Variants in TMEM132C observed in about 807,000 individuals in gnomAD.
TMEM132C encodes the protein protein phosphatase 1, regulatory subunit 152.
A neutral mutation model predicts 61.4 loss-of-function variants in TMEM132C; 29 were observed. The observed-to-expected ratio is 0.47, with a 90% CI of 0.35 to 0.64. The LOEUF (loss-of-function observed/expected upper bound fraction) is 0.64, where lower values mean the gene tolerates loss of function less well. TMEM132C is among the 30% of genes least tolerant of loss of function. The pLI is 0.00. For synonymous variants in TMEM132C, 656 were observed against 633.1 expected (o/e 1.04, Z -0.54); for missense variants, 1,408 against 1,476.9 (o/e 0.95, Z 0.76).
chr12:128,695,219 T>A (rs1026087538), intron 6 of TMEM132C, among the ~76,000 whole-genome samples: 1 of 152,174 alleles, frequency 6.6e-6, no homozygotes, highest in Non-Finnish European at 1.5e-5. Context: ...TAATTTTTAT[T>A]TATTTAAATT....
At chr12:128,548,724 A>C (rs1436093402) in intron 3 of TMEM132C, among the ~76,000 whole-genome samples, 1 of 152,216 alleles carries the variant, frequency 6.6e-6, no homozygotes, top group African/African-American at 2.4e-5. Context: ...CATATCCATG[A>C]GTTCTGTGTT....
intron 3 of TMEM132C, among the ~76,000 whole-genome samples, chr12:128,565,897 A>G (rs959334344): frequency 1.1e-4 from 17 of 151,714 alleles, no homozygotes; most frequent in African/African-American, 4.1e-4. Context: ...AAGAAAAAAG[A>G]AAAAGAATTT....
At chr12:128,675,876 GATAGATAA>G (rs199586411) in intron 5 of TMEM132C, among the ~76,000 whole-genome samples, 7,235 of 98,992 alleles carry the variant, frequency 0.073, 346 homozygotes, top group African/African-American at 0.23. Flanking sequence ...TAGATAGATA[GATAGATAA>G]ATAGATAGAT....
At chr12:128,346,405 A>G (rs1227507353) in intron 1 of TMEM132C, among the ~76,000 whole-genome samples, 2 of 152,142 alleles carry the variant, frequency 1.3e-5, no homozygotes, top group African/African-American at 4.8e-5. Context: ...TTTGTTCCAT[A>G]TGAATTTTAA....
At chr12:128,532,808 G>A (rs12582465) in intron 2 of TMEM132C, among the ~76,000 whole-genome samples, 22,370 of 152,010 alleles carry the variant, frequency 0.15, 2,414 homozygotes, top group African/African-American at 0.29. Flanking sequence ...TCTACCCTCC[G>A]GTGAGCATGT....
intron 1 of TMEM132C, among the ~76,000 whole-genome samples, chr12:128,379,135 G>A (rs1012793349): frequency 1.3e-5 from 2 of 152,214 alleles, no homozygotes; most frequent in Non-Finnish European, 2.9e-5. Context: ...ATGCCATGAT[G>A]GATTGGTTGT....
chr12:128,423,403 C>T (rs994574289), intron 2 of TMEM132C, among the ~76,000 whole-genome samples: 3 of 152,160 alleles, frequency 2.0e-5, no homozygotes, highest in East Asian at 1.9e-4. Flanking sequence ...CTAACAGCTG[C>T]GTATGCTCTC....
chr12:128,301,988 G>A (rs532173332), intron 1 of TMEM132C, among the ~76,000 whole-genome samples: 6 of 152,248 alleles, frequency 3.9e-5, no homozygotes, highest in South Asian at 2.1e-4. Flanking sequence ...TTACTACCAC[G>A]AGAACTGTAT....
intron 4 of TMEM132C, among the ~76,000 whole-genome samples, chr12:128,636,564 TTGTGTGTGTGTGTGTGTGTGTGTGTGTG>T (rs61201583): frequency 7.0e-6 from 1 of 142,254 alleles, no homozygotes. Flanking sequence ...GGGTTTTTGT[TTGTGTGTGTGTGTGTGTGTGTGTGTGTG>T]TGTGTGTGTG....
chr12:128,452,198 G>A (rs1053971365), intron 2 of TMEM132C, among the ~76,000 whole-genome samples: 3 of 151,900 alleles, frequency 2.0e-5, no homozygotes, highest in African/African-American at 4.8e-5. Context: ...AGACTCAAGC[G>A]ATCCTCTCAC....
At chr12:128,293,281 C>T (rs1353547506) in intron 1 of TMEM132C, among the ~76,000 whole-genome samples, 1 of 152,188 alleles carries the variant, frequency 6.6e-6, no homozygotes, top group African/African-American at 2.4e-5. Context: ...GAAATTGCTG[C>T]TTGTTCACAA....
chr12:128,678,910 G>A (rs1403273400), intron 5 of TMEM132C, among the ~76,000 whole-genome samples: 1 of 152,296 alleles, frequency 6.6e-6, no homozygotes, highest in East Asian at 1.9e-4. Context: ...TGCCTGGTGT[G>A]GTGACTTAGT....
At chr12:128,552,921 C>CA (rs376996076) in intron 3 of TMEM132C, among the ~76,000 whole-genome samples, 141 of 147,724 alleles carry the variant, frequency 9.5e-4, no homozygotes, top group Non-Finnish European at 1.3e-3. Context: ...AACAAACAAA[C>CA]AAAAAAAAAG....
intron 2 of TMEM132C, among the ~76,000 whole-genome samples, chr12:128,477,728 C>T (rs556589219): frequency 8.5e-5 from 13 of 152,200 alleles, no homozygotes; most frequent in Non-Finnish European, 1.3e-4. Flanking sequence ...TATAGGCACC[C>T]GCCGTCACAC....
chr12:128,430,655 C>T (rs949230503), intron 2 of TMEM132C, among the ~76,000 whole-genome samples: 10 of 152,172 alleles, frequency 6.6e-5, no homozygotes, highest in African/African-American at 2.2e-4. Flanking sequence ...TCCAACAGCA[C>T]GTGCTCACTT....
chr12:128,406,802 A>C (rs1457450306), intron 1 of TMEM132C, among the ~76,000 whole-genome samples: 1 of 152,188 alleles, frequency 6.6e-6, no homozygotes, highest in East Asian at 1.9e-4. Context: ...TGCACTTGGG[A>C]GGCAGGGAGT....
intron 2 of TMEM132C, among the ~76,000 whole-genome samples, chr12:128,536,615 G>A (rs896557531): frequency 3.3e-5 from 5 of 152,090 alleles, no homozygotes; most frequent in African/African-American, 9.7e-5. Flanking sequence ...GTGAAGATGT[G>A]TTTTATCACC....
At chr12:128,269,216 G>A (rs1870426532) in intron 1 of TMEM132C, among the ~76,000 whole-genome samples, 1 of 152,148 alleles carries the variant, frequency 6.6e-6, no homozygotes, top group African/African-American at 2.4e-5. Flanking sequence ...AGAGGAAGGC[G>A]GTGCTAATTG....
At chr12:128,695,778 C>A in intron 6 of TMEM132C, 52 bp from the exon 7 acceptor site, 1 of 1,471,310 alleles carries the variant, frequency 6.8e-7, no homozygotes, top group South Asian at 1.4e-5. Context: ...GTCTCAAGAA[C>A]GTCTTAGACT....
Sources: allele counts gnomAD v4.1 joint callset (sites outside exome capture counted in the v4.1 genomes callset), GRCh38; gene constraint gnomAD v4.1.1; transcripts MANE v1.5; gene names NCBI Gene and HGNC (gene_info 2026-07-23, HGNC 2026-07-21).